Variants in JAK2 observed in about 807,000 individuals in gnomAD.
The protein encoded by JAK2 is Janus kinase 2, also known as tyrosine-protein kinase JAK2.
Under a neutral mutation model 139.3 loss-of-function variants are expected in JAK2, and 86 were observed. The ratio of observed to expected loss-of-function variants is 0.62; its 90% CI spans 0.52 to 0.74. JAK2 has a LOEUF of 0.74. Ranked by LOEUF, JAK2 falls within the 30% of genes least tolerant of loss-of-function variation. JAK2 has a pLI of 0.00. For synonymous variants in JAK2, 490 were observed against 437.7 expected (o/e 1.12, Z -1.49); for missense variants, 1,421 against 1,360.3 (o/e 1.04, Z -0.70).
chr9:5,014,453 G>C (rs1821916792), intron 2 of JAK2, among the ~76,000 whole-genome samples: 1 of 152,094 alleles, frequency 6.6e-6, no homozygotes, highest in African/African-American at 2.4e-5. Flanking sequence ...AATACATTAA[G>C]GTTCTTACCT....
At chr9:4,987,966 T>C (rs1222106504) in intron 2 of JAK2, among the ~76,000 whole-genome samples, 1 of 152,152 alleles carries the variant, frequency 6.6e-6, no homozygotes, top group Non-Finnish European at 1.5e-5. Context: ...TCCTCCTTTC[T>C]AGTATAAAGA....
intron 6 of JAK2, among the ~76,000 whole-genome samples, chr9:5,053,238 T>C (rs1369441476): frequency 1.3e-5 from 2 of 152,130 alleles, no homozygotes; most frequent in African/African-American, 4.8e-5. Context: ...ATGTTTGGCA[T>C]CTTTTCATGT....
rs552684763 is a variant in JAK2 at position 5,042,662 on chromosome 9, G to T, written c.351-1741G>T. Among the ~76,000 whole-genome samples the T allele has an allele frequency of 2.5e-4, 38 of 152,210 alleles. 1 individual carries two copies. The South Asian group carries it at 7.9e-3, about 32-fold the overall frequency. On this transcript the variant is annotated intron_variant, in intron 4 of 24. Coordinates refer to ENST00000381652, the MANE Select transcript of JAK2 (RefSeq NM_004972.4). The stretch of plus-strand genomic sequence containing the variant: ...AGCTTGTCTCCCTCATCCAAAGGCC[G>T]TTTTCTCAGTGGGAGGGCAGGCCTG...
At chr9:5,026,753 C>G (rs1307072051) in intron 3 of JAK2, among the ~76,000 whole-genome samples, 1 of 152,094 alleles carries the variant, frequency 6.6e-6, no homozygotes, top group East Asian at 1.9e-4. Context: ...TCTATATATG[C>G]TTGAAAATAG....
intron 19 of JAK2, among the ~76,000 whole-genome samples, chr9:5,086,443 C>T (rs918509220): frequency 2.6e-5 from 4 of 152,206 alleles, no homozygotes; most frequent in Admixed American, 1.3e-4. Flanking sequence ...TTATCAGCAT[C>T]ATTCTCAATC....
At chr9:5,002,951 T>C (rs1472470587) in intron 2 of JAK2, among the ~76,000 whole-genome samples, 1 of 152,008 alleles carries the variant, frequency 6.6e-6, no homozygotes, top group Non-Finnish European at 1.5e-5. Flanking sequence ...TTTTGCCCCA[T>C]ATGAATAACC....
At chr9:5,045,021 A>G (rs1816901866) in intron 5 of JAK2, among the ~76,000 whole-genome samples, 1 of 152,210 alleles carries the variant, frequency 6.6e-6, no homozygotes, top group South Asian at 2.1e-4. Context: ...GCTATATTCA[A>G]GTTATTTGTT....
chr9:5,117,079 G>C (rs759478884), intron 22 of JAK2, among the ~76,000 whole-genome samples: 1 of 152,130 alleles, frequency 6.6e-6, no homozygotes, highest in African/African-American at 2.4e-5. Context: ...GTGAGGACAC[G>C]GCATTCCTCT....
At chr9:5,072,667 T>G (rs758311421) in intron 13 of JAK2, 41 bp downstream of exon 13, 1 of 1,474,230 alleles carries the variant, frequency 6.8e-7, no homozygotes, top group Admixed American at 2.1e-5. Context: ...TTTATGCTGT[T>G]TAAAGATGTG....
chr9:5,074,286 G>C (rs1028310108), intron 14 of JAK2, among the ~76,000 whole-genome samples: 2 of 151,784 alleles, frequency 1.3e-5, no homozygotes, highest in African/African-American at 2.4e-5. Flanking sequence ...TACTATACAG[G>C]CATGCCTCAT....
At chr9:5,055,028 A>C (rs1015823498) in intron 7 of JAK2, 144 bp downstream of exon 7, 6 of 526,810 alleles carry the variant, frequency 1.1e-5, no homozygotes, top group African/African-American at 9.6e-5. Context: ...GAACCTATCA[A>C]GGTCATATAA....
At chr9:5,022,770 A>G (rs1345296353) in intron 3 of JAK2, among the ~76,000 whole-genome samples, 1 of 152,218 alleles carries the variant, frequency 6.6e-6, no homozygotes, top group Non-Finnish European at 1.5e-5. Flanking sequence ...TAGAGCTAAC[A>G]CATTTTACTA....
intron 22 of JAK2, among the ~76,000 whole-genome samples, chr9:5,117,230 C>T (rs910313371): frequency 4.6e-5 from 7 of 152,210 alleles, no homozygotes; most frequent in South Asian, 2.1e-4. Context: ...TATAAATTAT[C>T]CATTGTCAGG....
chr9:5,079,281 T>A (rs79335631), intron 16 of JAK2, among the ~76,000 whole-genome samples: 2 of 132,052 alleles, frequency 1.5e-5, no homozygotes, highest in East Asian at 2.0e-4. Context: ...TCAATCAATC[T>A]ATTTGTCTGT....
intron 8 of JAK2, among the ~76,000 whole-genome samples, chr9:5,062,500 TAAAAAAAAAAAAAA>T (rs58424625): frequency 1.4e-4 from 8 of 58,248 alleles, no homozygotes; most frequent in Admixed American, 3.6e-4. Flanking sequence ...CTTCCATTTG[TAAAAAAAAAAAAAA>T]AAAAAAAAAA....
chr9:5,111,673 T>A, intron 22 of JAK2: 1 of 417,446 alleles, frequency 2.4e-6, no homozygotes, highest in Non-Finnish European at 4.7e-6. Flanking sequence ...GCAGCGGCCC[T>A]GTGGGCAGTG....
intron 6 of JAK2, among the ~76,000 whole-genome samples, 156 bp downstream of exon 6, chr9:5,050,987 G>C (rs1018189335): frequency 3.0e-4 from 46 of 152,018 alleles, no homozygotes; most frequent in African/African-American, 1.1e-3. Flanking sequence ...TTCAGATTTT[G>C]GATATTTCCA....
At chr9:5,010,662 A>G (rs1419939593) in intron 2 of JAK2, among the ~76,000 whole-genome samples, 2 of 152,198 alleles carry the variant, frequency 1.3e-5, no homozygotes, top group Admixed American at 6.5e-5. Context: ...AAGAAGAATA[A>G]TATTATAATT....
chr9:5,097,059 A>G (rs1172575674), intron 22 of JAK2: 1 of 152,082 alleles, frequency 6.6e-6, no homozygotes, highest in Non-Finnish European at 1.5e-5. Context: ...ATCCCCCTTT[A>G]GCTGAAAACC....
Sources: gnomAD v4.1 joint callset for allele counts (sites outside exome capture counted in the v4.1 genomes callset) on GRCh38, gnomAD v4.1.1 for gene constraint, MANE v1.5 for transcripts, NCBI Gene and HGNC (gene_info 2026-07-23, HGNC 2026-07-21) for gene names.